Variants in NALCN observed in about 807,000 individuals in gnomAD.
NALCN encodes sodium leak channel NALCN.
Under a neutral mutation model 225.3 loss-of-function variants are expected in NALCN, and 111 were observed. The observed-to-expected ratio is 0.49, with a 90% CI of 0.42 to 0.58. NALCN has a LOEUF of 0.58. Ranked by LOEUF, NALCN falls within the 20% of genes least tolerant of loss-of-function variation. The pLI is 0.00. For synonymous variants in NALCN, 764 were observed against 769.0 expected, an observed-to-expected ratio of 0.99 and a Z score of 0.11; for missense variants, 1,378 against 2,202.4, an observed-to-expected ratio of 0.63 and a Z score of 7.49.
chr13:101,396,885 T>C (rs2047308662), intron 2 of NALCN, among the ~76,000 whole-genome samples: 1 of 151,654 alleles, frequency 6.6e-6, no homozygotes, highest in African/African-American at 2.4e-5. Context: ...TAGAAAGCTC[T>C]GTAATAAGAT....
intron 11 of NALCN, among the ~76,000 whole-genome samples, chr13:101,240,263 C>G (rs182868130): frequency 2.0e-5 from 3 of 152,006 alleles, no homozygotes; most frequent in African/African-American, 7.2e-5. Flanking sequence ...GCACTCTTTT[C>G]CTATTTATTT....
chr13:101,140,901 C>A (rs573486881), intron 17 of NALCN, among the ~76,000 whole-genome samples: 1 of 152,218 alleles, frequency 6.6e-6, no homozygotes, highest in Non-Finnish European at 1.5e-5. Context: ...AGCCACTGCA[C>A]CCCAGCCTGG....
chr13:101,317,604 G>T (rs1295353777), intron 7 of NALCN, among the ~76,000 whole-genome samples: 2 of 152,144 alleles, frequency 1.3e-5, no homozygotes, highest in Non-Finnish European at 2.9e-5. Context: ...CATCACTCCA[G>T]ATTTCCTCCA....
At chr13:101,179,984 C>T (rs1404441036) in intron 14 of NALCN, among the ~76,000 whole-genome samples, 3 of 152,118 alleles carry the variant, frequency 2.0e-5, no homozygotes, top group Non-Finnish European at 2.9e-5. Flanking sequence ...ACAAGGCTTT[C>T]TCTCTGTGTC....
intron 13 of NALCN, among the ~76,000 whole-genome samples, chr13:101,205,383 T>A (rs2040272051): frequency 6.6e-6 from 1 of 151,926 alleles, no homozygotes; most frequent in Admixed American, 6.6e-5. Flanking sequence ...ATTTTAATAA[T>A]AAAAATATTT....
chr13:101,380,526 T>C (rs988956547), intron 3 of NALCN, among the ~76,000 whole-genome samples: 4 of 152,176 alleles, frequency 2.6e-5, no homozygotes, highest in Non-Finnish European at 5.9e-5. Flanking sequence ...TAATCATCCA[T>C]GTAAGTCAAT....
intron 18 of NALCN, among the ~76,000 whole-genome samples, chr13:101,113,260 T>G (rs2035540375): frequency 6.6e-6 from 1 of 152,168 alleles, no homozygotes; most frequent in Admixed American, 6.6e-5. Context: ...AGATGGAAGT[T>G]ATAAACCTGA....
intron 15 of NALCN, among the ~76,000 whole-genome samples, chr13:101,158,997 T>C (rs1032431508): frequency 1.3e-5 from 2 of 152,136 alleles, no homozygotes; most frequent in African/African-American, 4.8e-5. Flanking sequence ...CACTGAGATT[T>C]TAGGCACAAA....
At chr13:101,120,873 G>A (rs1446256398) in intron 18 of NALCN, among the ~76,000 whole-genome samples, 1 of 152,064 alleles carries the variant, frequency 6.6e-6, no homozygotes, top group South Asian at 2.1e-4. Context: ...TCCATACCAG[G>A]CATCTTCAAT....
rs746076815 is a variant in NALCN at position 101,111,166 on chromosome 13, C to T, written c.2253G>A (p.Arg751=). The change falls in exon 19 of 44, where the codon AGG becomes AGA. Residue 751 remains arginine, a synonymous_variant. Transcript: ENST00000251127. The part of the protein sequence containing the change: ...GSFEGQPAKE[R]SILSVQHHIR... ...TATGATGCTGCACGCTGAGGATTGA[C>T]CTCTCCTTTGCGGGCTGCCCCTCAA... 14 of 1,608,882 alleles carry T rather than the reference C, an allele frequency of 8.7e-6. No homozygotes were observed. Among genetic ancestry groups the T allele is most frequent in the Non-Finnish European group, 1.2e-5 (14 of 1,176,152 alleles).
intron 7 of NALCN, among the ~76,000 whole-genome samples, chr13:101,319,719 AGAAG>A (rs1343046151): frequency 1.3e-5 from 2 of 152,212 alleles, no homozygotes; most frequent in African/African-American, 2.4e-5. Context: ...GTTGCATAGA[AGAAG>A]GATTTTCTTA....
chr13:101,319,296 T>C (rs1390908828), intron 7 of NALCN, among the ~76,000 whole-genome samples: 11 of 152,142 alleles, frequency 7.2e-5, no homozygotes, highest in Non-Finnish European at 4.4e-5. Context: ...TCCTGCAGCC[T>C]CTCCCACCTA....
intron 10 of NALCN, among the ~76,000 whole-genome samples, chr13:101,277,719 T>C (rs538771825): frequency 2.0e-4 from 31 of 152,362 alleles, no homozygotes; most frequent in Non-Finnish European, 2.9e-4. Context: ...ATTTATTACT[T>C]GTTTATTTAT....
intron 10 of NALCN, among the ~76,000 whole-genome samples, chr13:101,283,129 G>C (rs578027440): frequency 6.6e-6 from 1 of 152,100 alleles, no homozygotes; most frequent in African/African-American, 2.4e-5. Context: ...TCAATTCTCC[G>C]GTCCTACGAG....
At chr13:101,380,855 C>G (rs1295733388) in intron 3 of NALCN, among the ~76,000 whole-genome samples, 1 of 118,264 alleles carries the variant, frequency 8.5e-6, no homozygotes, top group African/African-American at 3.7e-5. Context: ...TAATGCCTAG[C>G]TAACACACAC....
intron 14 of NALCN, among the ~76,000 whole-genome samples, chr13:101,183,128 T>C (rs2039307249): frequency 6.6e-6 from 1 of 152,176 alleles, no homozygotes; most frequent in South Asian, 2.1e-4. Context: ...TTATTCTGTT[T>C]TTACAGAAAG....
rs1405115055 is a variant in NALCN, at chr13:101,143,092, G to A, written c.2106C>T (p.Tyr702=). 3 of 1,614,024 alleles carry A rather than the reference G, an allele frequency of 1.9e-6. No individual in the cohort carries two copies. Among genetic ancestry groups the A allele is most frequent in the African/African-American group, 1.3e-5 (1 of 74,922 alleles). ...CAGCAGATCTTACTTTTTGGTCGAT[G>A]TATTTGTTGTCCTCAATTGCTGAGC... The part of the protein sequence containing the change: ...SKRSAIEDNK[Y]IDQKLRKSVF... The change falls in exon 17 of 44, where the codon TAC becomes TAT. Residue 702 remains tyrosine, a synonymous_variant. Transcript: ENST00000251127.
chr13:101,060,621 A>T (rs1478477309), intron 41 of NALCN, among the ~76,000 whole-genome samples: 1 of 151,912 alleles, frequency 6.6e-6, no homozygotes, highest in Admixed American at 6.6e-5. Context: ...TAATGTGGCT[A>T]TTCTATTTTT....
intron 7 of NALCN, among the ~76,000 whole-genome samples, chr13:101,294,227 G>A (rs563581661): frequency 6.6e-6 from 1 of 152,258 alleles, no homozygotes; most frequent in South Asian, 2.1e-4. Flanking sequence ...CAAACATAGA[G>A]TTAGATAGAA....
Sources: allele counts gnomAD v4.1 joint callset (sites outside exome capture counted in the v4.1 genomes callset), GRCh38; gene constraint gnomAD v4.1.1; transcripts MANE v1.5; gene names NCBI Gene and HGNC (gene_info 2026-07-23, HGNC 2026-07-21).